CCDC91: variants seen among roughly 807,000 people sequenced by gnomAD.
The protein encoded by CCDC91 is coiled-coil domain containing 91.
CCDC91 carries 48 observed loss-of-function variants against 63.2 expected under a neutral mutation model. The observed-to-expected ratio is 0.76, with a 90% CI of 0.60 to 0.97. The LOEUF is 0.97. CCDC91 is among the 50% of genes least tolerant of loss of function. The pLI is 0.00. For missense variants in CCDC91, 500 were observed against 494.6 expected, an observed-to-expected ratio of 1.01 and a Z score of -0.10; for synonymous variants, 167 against 165.8, an observed-to-expected ratio of 1.01 and a Z score of -0.06.
chr12:28,292,892 T>TA (rs1949336885), intron 3 of CCDC91, among the ~76,000 whole-genome samples: 1 of 152,188 alleles, frequency 6.6e-6, no homozygotes, highest in African/African-American at 2.4e-5. Context: ...CAATAATACT[T>TA]ACGTTGTGTG....
intron 11 of CCDC91, among the ~76,000 whole-genome samples, chr12:28,460,583 T>G (rs1488469624): frequency 6.6e-6 from 1 of 152,032 alleles, no homozygotes; most frequent in East Asian, 1.9e-4. Flanking sequence ...GATAATAGAT[T>G]GGTGAAAAAG....
intron 6 of CCDC91, among the ~76,000 whole-genome samples, chr12:28,310,304 A>G (rs917826353): frequency 2.0e-5 from 3 of 152,072 alleles, no homozygotes; most frequent in Non-Finnish European, 4.4e-5. Context: ...CAGAGAGACT[A>G]CGTGAGACTT....
chr12:28,310,182 G>A (rs1236552326), intron 6 of CCDC91, among the ~76,000 whole-genome samples: 4 of 152,026 alleles, frequency 2.6e-5, no homozygotes, highest in Non-Finnish European at 5.9e-5. Flanking sequence ...TGAATAATGA[G>A]ATAACTTTGT....
intron 8 of CCDC91, among the ~76,000 whole-genome samples, chr12:28,423,010 A>G (rs977870560): frequency 6.6e-6 from 1 of 152,096 alleles, no homozygotes; most frequent in Non-Finnish European, 1.5e-5. Flanking sequence ...CTCCCTCAAT[A>G]CAAAGATAAC....
At chr12:28,370,457 A>C (rs1037525683) in intron 7 of CCDC91, among the ~76,000 whole-genome samples, 2 of 152,296 alleles carry the variant, frequency 1.3e-5, no homozygotes, top group Admixed American at 6.5e-5. Flanking sequence ...CGTGGGCTTC[A>C]TTGTCCATAT....
Position 28,511,553 on chromosome 12 carries a change from A to C in CCDC91, c.1215+27388A>C, listed in dbSNP as rs75632322. Among the ~76,000 whole-genome samples the C allele has an allele frequency of 7.8e-4, 118 of 151,936 alleles. 1 individual carries two copies. Among genetic ancestry groups the C allele is most frequent in the African/African-American group, 2.7e-3 (114 of 41,502 alleles). On this transcript the variant is annotated intron_variant, in intron 12 of 12. Transcript: ENST00000536442. The stretch of plus-strand genomic sequence containing the variant: ...AAGAATGAGGGGCCTTAAAAGAGCC[A>C]TGTGGTTCCAGTATAAGCAAAGGTG...
intron 1 of CCDC91, among the ~76,000 whole-genome samples, chr12:28,197,383 C>T (rs567275390): frequency 1.7e-4 from 26 of 152,178 alleles, no homozygotes; most frequent in Admixed American, 1.4e-3. Flanking sequence ...TGATGAATTA[C>T]GTATAATGTA....
At chr12:28,505,112 AC>A (rs1437311980) in intron 12 of CCDC91, among the ~76,000 whole-genome samples, 2 of 152,010 alleles carry the variant, frequency 1.3e-5, no homozygotes, top group Non-Finnish European at 2.9e-5. Context: ...TTCAGCAAGG[AC>A]CAGAAAATCT....
intron 11 of CCDC91, among the ~76,000 whole-genome samples, chr12:28,471,398 G>C (rs1390752665): frequency 6.6e-6 from 1 of 152,066 alleles, no homozygotes; most frequent in African/African-American, 2.4e-5. Context: ...TATGTTTTCA[G>C]GAATCTCCTG....
chr12:28,335,253 AATAC>A (rs1941853203), intron 6 of CCDC91, among the ~76,000 whole-genome samples: 1 of 139,126 alleles, frequency 7.2e-6, no homozygotes, highest in Admixed American at 7.7e-5. Context: ...TATAATATAT[AATAC>A]ATATAATATA....
At chr12:28,298,361 G>T (rs1296784560) in intron 3 of CCDC91, among the ~76,000 whole-genome samples, 25 of 122,094 alleles carry the variant, frequency 2.0e-4, no homozygotes, top group Middle Eastern at 4.4e-3. Flanking sequence ...TGATTGTTGA[G>T]TTTTTTTTTT....
chr12:28,399,840 A>G (rs915191863), intron 8 of CCDC91, among the ~76,000 whole-genome samples: 22 of 152,226 alleles, frequency 1.4e-4, no homozygotes, highest in Admixed American at 1.0e-3. Context: ...TGGGCTCCAA[A>G]GGCCTTGGGA....
chr12:28,521,720 A>G (rs1031933849), intron 12 of CCDC91, among the ~76,000 whole-genome samples: 1 of 152,096 alleles, frequency 6.6e-6, no homozygotes, highest in Admixed American at 6.6e-5. Context: ...TGTCATAAAT[A>G]GTTCTTATTA....
chr12:28,337,742 A>T (rs1379718119), intron 6 of CCDC91, among the ~76,000 whole-genome samples: 1 of 152,150 alleles, frequency 6.6e-6, no homozygotes, highest in Non-Finnish European at 1.5e-5. Context: ...TGAATTTTTG[A>T]AAATTACTCA....
chr12:28,468,002 T>G (rs572187179), intron 11 of CCDC91, among the ~76,000 whole-genome samples: 421 of 151,530 alleles, frequency 2.8e-3, no homozygotes, highest in African/African-American at 9.0e-3. Flanking sequence ...AAGAAAAATT[T>G]CAAATAAACA....
rs186410042 is a variant in CCDC91, at chr12:28,521,785, G to A, written c.1216-27278G>A. 2.1e-4 allele frequency among the ~76,000 whole-genome samples: 32 copies of A among 152,196 alleles called. No homozygotes were observed. In the East Asian group the frequency reaches 4.8e-3, roughly 23 times the overall value. On this transcript the variant is annotated intron_variant, in intron 12 of 12. Transcript: ENST00000536442. The stretch of plus-strand genomic sequence containing the variant: ...TTACTAAGAGTTTTTAGCTTGAAGC[G>A]TTGTTGAGTTTTGTCAAAGGCCTTT...
At chr12:28,272,840 C>A (rs1431837446) in intron 3 of CCDC91, among the ~76,000 whole-genome samples, 1 of 150,914 alleles carries the variant, frequency 6.6e-6, no homozygotes, top group Admixed American at 6.6e-5. Flanking sequence ...TATAAAAATT[C>A]TTTTTTTTTA....
chr12:28,192,621 A>G (rs1194501775), intron 1 of CCDC91, among the ~76,000 whole-genome samples: 16 of 152,154 alleles, frequency 1.1e-4, no homozygotes, highest in Admixed American at 1.0e-3. Context: ...CGATAAATTA[A>G]TATTTTAGAT....
chr12:28,360,311 G>A (rs1943793381), intron 6 of CCDC91, among the ~76,000 whole-genome samples: 1 of 152,330 alleles, frequency 6.6e-6, no homozygotes, highest in East Asian at 1.9e-4. Context: ...AGTGGTAGCA[G>A]TAAATGGACA....
Sources: allele counts gnomAD v4.1 joint callset (sites outside exome capture counted in the v4.1 genomes callset), GRCh38; gene constraint gnomAD v4.1.1; transcripts MANE v1.5; gene names NCBI Gene and HGNC (gene_info 2026-07-23, HGNC 2026-07-21).